The following PCED1B variants were observed in gnomAD, a reference collection of about 807,000 sequenced individuals.
The protein encoded by PCED1B is PC-esterase domain-containing protein 1B.
For synonymous variants in PCED1B, 251 were observed against 246.1 expected (o/e 1.02, Z -0.19); for missense variants, 573 against 573.9 (o/e 1.00, Z 0.02).
chr12:47,187,830 C>T (rs1232586758), intron 2 of PCED1B: 1 of 153,952 alleles, frequency 6.5e-6, no homozygotes, highest in Non-Finnish European at 1.5e-5. Context: ...CTGGGGTCTT[C>T]CTCTACATTT....
chr12:47,191,756 C>T (rs1465639126), intron 2 of PCED1B, among the ~76,000 whole-genome samples: 1 of 151,958 alleles, frequency 6.6e-6, no homozygotes, highest in Admixed American at 6.6e-5. Context: ...GAGGGTGCGG[C>T]CTGGACACAA....
At chr12:47,081,734 G>A (rs991513401) in intron 1 of PCED1B, among the ~76,000 whole-genome samples, 1 of 152,140 alleles carries the variant, frequency 6.6e-6, no homozygotes, top group African/African-American at 2.4e-5. Context: ...TTTTTTAAAT[G>A]ACTAATAAAT....
At chr12:47,122,433 A>AC (rs1289648822) in intron 2 of PCED1B, among the ~76,000 whole-genome samples, 1 of 152,222 alleles carries the variant, frequency 6.6e-6, no homozygotes, top group Non-Finnish European at 1.5e-5. Context: ...TCTGGATGTG[A>AC]CTTACATCAT....
chr12:47,136,696 G>T (rs1482516622), intron 2 of PCED1B, among the ~76,000 whole-genome samples: 1 of 152,058 alleles, frequency 6.6e-6, no homozygotes, highest in Non-Finnish European at 1.5e-5. Flanking sequence ...ATCATTATGA[G>T]ATAGTATTAG....
intron 2 of PCED1B, among the ~76,000 whole-genome samples, chr12:47,150,793 G>T (rs1262588635): frequency 6.6e-6 from 1 of 152,064 alleles, no homozygotes; most frequent in African/African-American, 2.4e-5. Context: ...GGGTCCGCAA[G>T]AGTCTGGTAA....
intron 2 of PCED1B, among the ~76,000 whole-genome samples, chr12:47,137,782 A>G (rs899856801): frequency 6.6e-6 from 1 of 151,752 alleles, no homozygotes; most frequent in East Asian, 1.9e-4. Flanking sequence ...AAAACAAAAA[A>G]CAAACAAAAA....
At chr12:47,085,945 G>A (rs1009671080) in intron 1 of PCED1B, among the ~76,000 whole-genome samples, 1 of 147,242 alleles carries the variant, frequency 6.8e-6, no homozygotes, top group Non-Finnish European at 1.5e-5. Context: ...GACCTCCCCT[G>A]TTTGAGGCAT....
At chr12:47,166,260 A>G (rs1218490754) in intron 2 of PCED1B, among the ~76,000 whole-genome samples, 1 of 152,190 alleles carries the variant, frequency 6.6e-6, no homozygotes, top group Non-Finnish European at 1.5e-5. Context: ...TTTACCCAAT[A>G]ATTGTAATTT....
At chr12:47,088,313 T>A (rs1442457499) in intron 1 of PCED1B, among the ~76,000 whole-genome samples, 5 of 152,190 alleles carry the variant, frequency 3.3e-5, no homozygotes, top group African/African-American at 1.2e-4. Flanking sequence ...GTACTAATTA[T>A]GTGGCTCCCC....
At chr12:47,125,427 A>G (rs1026375136) in intron 2 of PCED1B, among the ~76,000 whole-genome samples, 1 of 151,922 alleles carries the variant, frequency 6.6e-6, no homozygotes, top group East Asian at 1.9e-4. Flanking sequence ...GCTTTTTAAT[A>G]CGTCTTAATA....
intron 3 of PCED1B, among the ~76,000 whole-genome samples, chr12:47,220,432 A>G (rs1357787419): frequency 1.3e-5 from 2 of 152,224 alleles, no homozygotes; most frequent in African/African-American, 4.8e-5. Flanking sequence ...TCGGCCTCCC[A>G]AAGTGCTGGG....
At chr12:47,139,018 A>G (rs539417479) in intron 2 of PCED1B, among the ~76,000 whole-genome samples, 15 of 151,972 alleles carry the variant, frequency 9.9e-5, no homozygotes, top group African/African-American at 3.1e-4. Context: ...TTATGTATTT[A>G]TTTGCTTATT....
At chr12:47,095,731 T>C (rs1938459450) in intron 1 of PCED1B, among the ~76,000 whole-genome samples, 1 of 152,260 alleles carries the variant, frequency 6.6e-6, no homozygotes, top group South Asian at 2.1e-4. Context: ...AAATATTTTT[T>C]CAGTGTTTAG....
intron 2 of PCED1B, among the ~76,000 whole-genome samples, chr12:47,107,212 T>C (rs1938993572): frequency 6.6e-6 from 1 of 152,198 alleles, no homozygotes; most frequent in East Asian, 1.9e-4. Context: ...GTTTGATTGG[T>C]GAATGCCGGG....
intron 2 of PCED1B, among the ~76,000 whole-genome samples, chr12:47,172,115 C>G (rs945956122): frequency 5.3e-5 from 8 of 152,124 alleles, no homozygotes; most frequent in Non-Finnish European, 1.2e-4. Context: ...CTTTGCCTCT[C>G]CTTGATCTGT....
chr12:47,217,480 G>GAA (rs149469887), intron 3 of PCED1B, among the ~76,000 whole-genome samples: 1,459 of 109,596 alleles, frequency 0.013, 119 homozygotes, highest in African/African-American at 0.058. Context: ...GAGAAAGAAA[G>GAA]AAAGAAAGAA....
At chr12:47,222,761 G>A (rs768598996) in intron 3 of PCED1B, among the ~76,000 whole-genome samples, 65 of 116,894 alleles carry the variant, frequency 5.6e-4, no homozygotes, top group Non-Finnish European at 9.7e-4. Context: ...GGGCTAGTAA[G>A]CAGTGGAGCA....
At chr12:47,100,917 A>G (rs1938676073) in intron 1 of PCED1B, among the ~76,000 whole-genome samples, 2 of 152,142 alleles carry the variant, frequency 1.3e-5, no homozygotes, top group African/African-American at 4.8e-5. Flanking sequence ...AAAATAAAAA[A>G]AATTAGCCGG....
At chr12:47,215,437 A>G (rs1452757149) in intron 2 of PCED1B, among the ~76,000 whole-genome samples, 2 of 151,878 alleles carry the variant, frequency 1.3e-5, no homozygotes, top group Non-Finnish European at 2.9e-5. Flanking sequence ...TATTTTCAGT[A>G]GAGACGGAGT....
Sources: gnomAD v4.1 joint callset for allele counts (sites outside exome capture counted in the v4.1 genomes callset) on GRCh38, gnomAD v4.1.1 for gene constraint, MANE v1.5 for transcripts, NCBI Gene and HGNC (gene_info 2026-07-23, HGNC 2026-07-21) for gene names.